The following TAF2 variants were observed in gnomAD, a reference collection of about 807,000 sequenced individuals.
TAF2 encodes the protein transcription initiation factor TFIID subunit 2.
In TAF2, 61 loss-of-function variants were observed where a neutral mutation model predicts 138.5. The ratio of observed to expected loss-of-function variants is 0.44; its 90% CI spans 0.36 to 0.54. TAF2 has a LOEUF of 0.54. Among genes scored for constraint, TAF2 ranks in the 20% least tolerant of loss-of-function variants. TAF2 has a pLI of 0.00. For synonymous variants in TAF2, 475 were observed against 469.9 expected, an observed-to-expected ratio of 1.01 and a Z score of -0.14; for missense variants, 1,090 against 1,427.9, an observed-to-expected ratio of 0.76 and a Z score of 3.81.
At chr8:119,797,577 C>T (rs1311852470) in intron 7 of TAF2, 85 bp downstream of exon 7, 19 of 1,383,410 alleles carry the variant, frequency 1.4e-5, no homozygotes, top group African/African-American at 7.2e-5. Flanking sequence ...GTTCAAAGCT[C>T]GTCTTAAAAT....
chr8:119,800,302 T>C (rs1824165561), intron 6 of TAF2, among the ~76,000 whole-genome samples: 1 of 152,238 alleles, frequency 6.6e-6, no homozygotes, highest in Non-Finnish European at 1.5e-5. Flanking sequence ...CTTTAATCCA[T>C]CTTGAATTAA....
chr8:119,801,864 G>T lies in TAF2; in HGVS notation c.722C>A (p.Pro241His), dbSNP rs1824289211. ...CAAGGAGATATTTGACGCTGCTGTA[G>T]GAATGGTAAGCATATAATGGAAAGT... ...KKTFHYMLTI[P>H]TAASNISLAI... The change falls in exon 6 of 26, where the codon CCT becomes CAT. Residue 241 changes from proline to histidine, a missense_variant. Physicochemically the swap from Pro to His is moderately conservative, Grantham distance 77 (BLOSUM62 -2). Around this residue, in one of 3 missense-constraint regions of TAF2, gnomAD observed 504 missense variants for 680.9 expected, o/e 0.74. Transcript: ENST00000378164. 18 of 1,614,038 alleles carry T rather than the reference G, an allele frequency of 1.1e-5. No individual in the cohort carries two copies. The highest frequency in any genetic ancestry group is 1.4e-5 in the Non-Finnish European group (16 of 1,180,030).
At chr8:119,753,292 C>A (rs536792922) in intron 22 of TAF2, among the ~76,000 whole-genome samples, 1 of 151,894 alleles carries the variant, frequency 6.6e-6, no homozygotes, top group Non-Finnish European at 1.5e-5. Flanking sequence ...AACTCTGTAA[C>A]ATGATTATAT....
chr8:119,756,070 C>T lies in TAF2; in HGVS notation c.2814G>A (p.Lys938=). Residue 938 remains lysine (K), a synonymous_variant, in exon 22 of 26, where the codon AAG becomes AAA. Coordinates refer to ENST00000378164, the MANE Select transcript of TAF2 (RefSeq NM_003184.4). The stretch of plus-strand genomic sequence containing the variant: ...CATTGCATAAGGGAGACTCCATGTT[C>T]TTAGTAAATGGTGGGTTCTTAGTCA... The part of the protein sequence containing the change: ...NMLTKNPPFT[K]NMESPLCNEA... 1 of 1,613,722 alleles carries T rather than the reference C, an allele frequency of 6.2e-7. No individual in the cohort carries two copies. The highest frequency in any genetic ancestry group is 8.5e-7 in the Non-Finnish European group (1 of 1,179,836).
chr8:119,757,582 A>G (rs1287058665), intron 21 of TAF2, among the ~76,000 whole-genome samples: 1 of 151,732 alleles, frequency 6.6e-6, no homozygotes. Flanking sequence ...AAGGTCTGCT[A>G]ATAATTTTTT....
At chr8:119,802,067 T>G in intron 5 of TAF2, 42 bp from the exon 6 acceptor site, 1 of 1,482,358 alleles carries the variant, frequency 6.7e-7, no homozygotes, top group Non-Finnish European at 9.3e-7. Context: ...ATTCAAAGAG[T>G]TCTCTACATT....
chr8:119,832,818 G>A lies in TAF2; in HGVS notation c.-254C>T, dbSNP rs1448964752. ...CCGCAAGGGCTCGAAGCTACCATCC[G>A]CCGACATCTTGTCTGTAACCTCTGA... On this transcript the variant is annotated 5_prime_UTR_variant, in exon 1 of 26. Coordinates refer to ENST00000378164, the MANE Select transcript of TAF2 (RefSeq NM_003184.4). The A allele has an allele frequency of 2.2e-6, 1 of 453,926 alleles. No homozygotes were observed. The highest frequency in any genetic ancestry group is 3.4e-5 in the East Asian group (1 of 29,630). 28.1% of individuals were successfully genotyped at this position (453,926 alleles called of 1,614,324 possible). A position where few individuals can be genotyped will look rare whatever the true frequency, so the allele number is the denominator to read the frequency against.
chr8:119,785,540 G>T (rs1036697252), intron 14 of TAF2, among the ~76,000 whole-genome samples: 1 of 152,076 alleles, frequency 6.6e-6, no homozygotes, highest in East Asian at 1.9e-4. Flanking sequence ...TATATTCCAA[G>T]AACTGATAGC....
chr8:119,737,523 T>G (rs1819303258), intron 25 of TAF2, among the ~76,000 whole-genome samples: 1 of 150,756 alleles, frequency 6.6e-6, no homozygotes, highest in African/African-American at 2.4e-5. Flanking sequence ...TTTTTTTTTT[T>G]TTTGAGACAG....
intron 3 of TAF2, among the ~76,000 whole-genome samples, chr8:119,809,835 A>G (rs1037068007): frequency 6.6e-6 from 1 of 152,134 alleles, no homozygotes; most frequent in African/African-American, 2.4e-5. Flanking sequence ...AATATCAAAG[A>G]TCTCTGATCA....
At chr8:119,818,179 A>G (rs1825597638) in intron 3 of TAF2, among the ~76,000 whole-genome samples, 1 of 152,232 alleles carries the variant, frequency 6.6e-6, no homozygotes, top group African/African-American at 2.4e-5. Flanking sequence ...GGTCTGTATC[A>G]GAATCACCTG....
chr8:119,808,208 A>G (rs749442404), intron 3 of TAF2, among the ~76,000 whole-genome samples: 4 of 152,226 alleles, frequency 2.6e-5, no homozygotes, highest in Non-Finnish European at 5.9e-5. Flanking sequence ...TTAAATAAAC[A>G]TTGTTGACAA....
chr8:119,756,095 A>G lies in TAF2; in HGVS notation c.2789T>C (p.Leu930Ser). The part of the protein sequence containing the change: ...PYVRHKILNM[L>S]TKNPPFTKNM... ...CTTAGTAAATGGTGGGTTCTTAGTC[A>G]ACATGTTGAGAATCTTATGCCTGAA... The change falls in exon 22 of 26, where the codon TTG (leucine) becomes TCG (serine). Residue 930 changes from leucine to serine, a missense_variant. Physicochemically the swap from Leu to Ser is moderately radical, Grantham distance 145 (BLOSUM62 -2). Around this residue, in one of 3 missense-constraint regions of TAF2, gnomAD observed 580 missense variants for 719.6 expected, o/e 0.81. Coordinates refer to ENST00000378164, the MANE Select transcript of TAF2 (RefSeq NM_003184.4). 1 of 1,613,556 alleles carries G rather than the reference A, an allele frequency of 6.2e-7. No homozygotes were observed. The highest frequency in any genetic ancestry group is 8.5e-7 in the Non-Finnish European group (1 of 1,179,740).
In TAF2 at chr8:119,742,675, GA is replaced by G. The variant is rs1819677656; in HGVS notation, c.3215-20del. 7 of 1,611,238 alleles carry G rather than the reference GA, an allele frequency of 4.3e-6. No individual in the cohort carries two copies. Among genetic ancestry groups the G allele is most frequent in the Non-Finnish European group, 5.9e-6 (7 of 1,178,912 alleles). ...GAGAGCCCTAAAATGCCAAACAAGA[GA>G]AAAAAGAGGGATTTATTTCTTTGTT... is the stretch of plus-strand genomic sequence containing the variant. On this transcript the variant is annotated intron_variant, in intron 24 of 25. Coordinates refer to ENST00000378164, the MANE Select transcript of TAF2 (RefSeq NM_003184.4).
At chr8:119,815,351 T>C (rs1252241215) in intron 3 of TAF2, among the ~76,000 whole-genome samples, 3 of 150,846 alleles carry the variant, frequency 2.0e-5, no homozygotes, top group Non-Finnish European at 4.4e-5. Flanking sequence ...CTCTGCTCAC[T>C]GCAAGCTCCA....
chr8:119,735,057 A>T (rs567331452), intron 25 of TAF2, among the ~76,000 whole-genome samples: 24 of 152,294 alleles, frequency 1.6e-4, no homozygotes, highest in African/African-American at 4.8e-4. Flanking sequence ...GATTTAAGTA[A>T]TTTGCCCAAG....
intron 8 of TAF2, among the ~76,000 whole-genome samples, chr8:119,795,896 C>G (rs980625354): frequency 6.6e-6 from 1 of 152,064 alleles, no homozygotes; most frequent in Non-Finnish European, 1.5e-5. Context: ...ACATGCTCTA[C>G]TCTGACAGTG....
At position 119,781,536 on chromosome 8, in the gene TAF2, C is replaced by T. The variant is rs184751323; in HGVS notation, c.2113-343G>A. ...ATACAAAAATACAAAATAAATTAGC[C>T]GGGCATGATGGCGGGTGCCTGTAAT... On this transcript the variant is annotated intron_variant, in intron 16 of 25. Coordinates refer to ENST00000378164, the MANE Select transcript of TAF2 (RefSeq NM_003184.4). 3.8e-3 allele frequency among the ~76,000 whole-genome samples: 583 copies of T among 152,102 alleles called. 3 individuals carry two copies. Among genetic ancestry groups the T allele is most frequent in the African/African-American group, 0.012 (516 of 41,510 alleles).
intron 2 of TAF2, 74 bp from the exon 3 acceptor site, chr8:119,819,580 A>T (rs191786774): frequency 8.1e-7 from 1 of 1,235,208 alleles, no homozygotes; most frequent in East Asian, 2.3e-5. Flanking sequence ...TATTTTTACC[A>T]CTTGTACACA....
Sources: gnomAD v4.1 joint callset for allele counts (sites outside exome capture counted in the v4.1 genomes callset) on GRCh38, gnomAD v4.1.1 for gene constraint, gnomAD v4.1.1 regional missense constraint, MANE v1.5 for transcripts, NCBI Gene and HGNC (gene_info 2026-07-23, HGNC 2026-07-21) for gene names.